Variants in ADCY8 observed in about 807,000 individuals in gnomAD.
ADCY8 encodes the protein adenylate cyclase type 8.
ADCY8 carries 51 observed loss-of-function variants against 119.7 expected under a neutral mutation model. The observed-to-expected ratio is 0.43, with a 90% CI of 0.34 to 0.54. The LOEUF (loss-of-function observed/expected upper bound fraction) is 0.54. Ranked by LOEUF, ADCY8 falls within the 20% of genes least tolerant of loss-of-function variation. The pLI is 0.03. For synonymous variants in ADCY8, 665 were observed against 651.0 expected (o/e 1.02, Z -0.33); for missense variants, 1,383 against 1,598.8 (o/e 0.87, Z 2.30).
intron 12 of ADCY8, among the ~76,000 whole-genome samples, chr8:130,834,840 ATGTG>A (rs896012070): frequency 1.4e-4 from 21 of 152,258 alleles, no homozygotes; most frequent in African/African-American, 4.8e-4. Flanking sequence ...GTGTGTATAT[ATGTG>A]TGTATGTATA....
intron 5 of ADCY8, among the ~76,000 whole-genome samples, chr8:130,929,981 G>C (rs1344180954): frequency 3.9e-5 from 6 of 152,014 alleles, no homozygotes; most frequent in Admixed American, 3.9e-4. Flanking sequence ...TTTATTTGCA[G>C]GTAATACCTT....
At chr8:130,805,671 T>C (rs1815925970) in intron 14 of ADCY8, among the ~76,000 whole-genome samples, 1 of 152,180 alleles carries the variant, frequency 6.6e-6, no homozygotes, top group African/African-American at 2.4e-5. Flanking sequence ...CAGATAAGGA[T>C]GGATTGGACA....
At chr8:130,925,246 A>G (rs1820428933) in intron 5 of ADCY8, among the ~76,000 whole-genome samples, 1 of 151,826 alleles carries the variant, frequency 6.6e-6, no homozygotes, top group African/African-American at 2.4e-5. Flanking sequence ...ACAAAAAGAA[A>G]CTCAAACTGC....
intron 5 of ADCY8, among the ~76,000 whole-genome samples, chr8:130,917,529 A>G (rs1172676949): frequency 2.0e-5 from 3 of 152,124 alleles, no homozygotes. Context: ...AGGGAGAGAA[A>G]AGTGAGAGCA....
chr8:131,034,848 T>C (rs1161682227), intron 1 of ADCY8, among the ~76,000 whole-genome samples: 2 of 152,108 alleles, frequency 1.3e-5, no homozygotes, highest in Non-Finnish European at 2.9e-5. Flanking sequence ...TGCCTCTCAG[T>C]TTTCCAGTAA....
At chr8:130,833,143 C>A (rs1816889027) in intron 12 of ADCY8, among the ~76,000 whole-genome samples, 1 of 152,118 alleles carries the variant, frequency 6.6e-6, no homozygotes, top group Non-Finnish European at 1.5e-5. Flanking sequence ...TTTTGAGTTT[C>A]TTTGAACCCT....
intron 14 of ADCY8, among the ~76,000 whole-genome samples, chr8:130,803,555 C>T (rs1815849048): frequency 6.6e-6 from 1 of 152,246 alleles, no homozygotes; most frequent in African/African-American, 2.4e-5. Context: ...TGATTAATGA[C>T]TTCCTGACCT....
At chr8:130,948,923 T>C (rs1821189577) in intron 3 of ADCY8, among the ~76,000 whole-genome samples, 2 of 152,144 alleles carry the variant, frequency 1.3e-5, no homozygotes, top group African/African-American at 2.4e-5. Context: ...GCTGAGTTCA[T>C]CTTCCCGAAA....
intron 1 of ADCY8, among the ~76,000 whole-genome samples, chr8:131,031,623 T>C (rs772892577): frequency 2.6e-5 from 4 of 152,172 alleles, no homozygotes; most frequent in Non-Finnish European, 5.9e-5. Context: ...TTAATGTTGA[T>C]TTTAAAAGTG....
rs559417355 is a variant in ADCY8, at chr8:130,921,504, A to G, written c.1482-11638T>C. On this transcript the variant is annotated intron_variant, in intron 5 of 17. Coordinates refer to ENST00000286355, the MANE Select transcript of ADCY8 (RefSeq NM_001115.3). Reference sequence around the variant, plus strand: ...TTGCTCTTATTGCCCCGGCTAGGGTAGTGCAATGGCATGATCTTGGCTCAC... The same window carrying G: ...TTGCTCTTATTGCCCCGGCTAGGGTGGTGCAATGGCATGATCTTGGCTCAC... Among the ~76,000 whole-genome samples the G allele has an allele frequency of 5.3e-5, 7 of 132,048 alleles. No individual in the cohort carries two copies. In the South Asian group the frequency reaches 1.4e-3, roughly 26 times the overall value. The allele number at this position is 132,048 out of a possible 152,430, so 86.6% of individuals were successfully genotyped here. A position where few individuals can be genotyped will look rare whatever the true frequency, so the allele number is the denominator to read the frequency against.
chr8:130,922,163 C>G (rs1045754836), intron 5 of ADCY8, among the ~76,000 whole-genome samples: 1 of 151,952 alleles, frequency 6.6e-6, no homozygotes, highest in Non-Finnish European at 1.5e-5. Flanking sequence ...GTCCCTCAGC[C>G]TTGGACTTCT....
rs376909389 is a variant in ADCY8 at position 130,850,350 on chromosome 8, C to T, written c.2211-547G>A. Among the ~76,000 whole-genome samples, 16 of 152,222 alleles carry T rather than the reference C, an allele frequency of 1.1e-4. 1 individual carries two copies. Among genetic ancestry groups the T allele is most frequent in the East Asian group, 3.9e-4 (2 of 5,162 alleles). On this transcript the variant is annotated intron_variant, in intron 9 of 17. Coordinates refer to ENST00000286355, the MANE Select transcript of ADCY8 (RefSeq NM_001115.3). ...GGCATCAGCATCACTCTCGAGTTTA[C>T]ATCTCGAGTTTCAAACTCTCATCAA...
intron 15 of ADCY8, 22 bp from the exon 16 acceptor site, chr8:130,785,497 G>C (rs754593617): frequency 6.3e-7 from 1 of 1,576,784 alleles, no homozygotes; most frequent in African/African-American, 1.4e-5. Flanking sequence ...CCAGGCAATG[G>C]TGTTAGCCCT....
intron 2 of ADCY8, among the ~76,000 whole-genome samples, chr8:130,968,570 T>C (rs902096072): frequency 2.0e-5 from 3 of 152,202 alleles, no homozygotes; most frequent in African/African-American, 7.2e-5. Flanking sequence ...ATAGATGGTG[T>C]GGCATCATGC....
At chr8:130,781,050 A>G (rs772583510) in intron 17 of ADCY8, among the ~76,000 whole-genome samples, 173 bp from the exon 18 acceptor site, 2 of 152,156 alleles carry the variant, frequency 1.3e-5, no homozygotes, top group Non-Finnish European at 2.9e-5. Context: ...CAGTTAATTA[A>G]CCTATTTGGA....
At chr8:130,943,074 A>G (rs1821004279) in intron 4 of ADCY8, among the ~76,000 whole-genome samples, 1 of 152,178 alleles carries the variant, frequency 6.6e-6, no homozygotes, top group African/African-American at 2.4e-5. Flanking sequence ...GGAAGCAATG[A>G]TAGGGGCGTG....
intron 2 of ADCY8, among the ~76,000 whole-genome samples, chr8:130,987,222 G>A (rs896651135): frequency 2.0e-5 from 3 of 152,098 alleles, no homozygotes; most frequent in African/African-American, 7.2e-5. Flanking sequence ...TCTCCACTGA[G>A]CTGAATCCTA....
chr8:130,901,488 A>T (rs1316961282), intron 7 of ADCY8, among the ~76,000 whole-genome samples: 1 of 152,180 alleles, frequency 6.6e-6, no homozygotes, highest in Non-Finnish European at 1.5e-5. Flanking sequence ...AGCATGCTTT[A>T]TCTGTGTTAT....
At chr8:130,902,302 A>G (rs539619652) in intron 7 of ADCY8, among the ~76,000 whole-genome samples, 1 of 152,342 alleles carries the variant, frequency 6.6e-6, no homozygotes, top group East Asian at 1.9e-4. Flanking sequence ...CACCCACTCC[A>G]GGAAGTATAT....
Sources: gnomAD v4.1 joint callset for allele counts (sites outside exome capture counted in the v4.1 genomes callset) on GRCh38, gnomAD v4.1.1 for gene constraint, MANE v1.5 for transcripts, NCBI Gene and HGNC (gene_info 2026-07-23, HGNC 2026-07-21) for gene names.